CAMK2D: variants seen among roughly 807,000 people sequenced by gnomAD.
CAMK2D encodes the protein calcium/calmodulin-dependent protein kinase type II subunit delta.
A neutral mutation model predicts 84.0 loss-of-function variants in CAMK2D; 37 were observed. The observed-to-expected ratio is 0.44, with a 90% CI of 0.34 to 0.58. The LOEUF is 0.58. CAMK2D is among the 20% of genes least tolerant of loss of function. The pLI, the probability that CAMK2D is intolerant of heterozygous loss-of-function variation, is 0.02. For synonymous variants in CAMK2D, 202 were observed against 212.5 expected (o/e 0.95, Z 0.43); for missense variants, 448 against 652.5 (o/e 0.69, Z 3.41).
At chr4:113,551,054 T>C (rs1317890501) in intron 5 of CAMK2D, among the ~76,000 whole-genome samples, 8 of 152,176 alleles carry the variant, frequency 5.3e-5, no homozygotes, top group Non-Finnish European at 1.0e-4. Context: ...TCTGATGGCA[T>C]TGGAGAATGG....
At chr4:113,612,276 C>T (rs1377414923) in intron 3 of CAMK2D, among the ~76,000 whole-genome samples, 1 of 152,166 alleles carries the variant, frequency 6.6e-6, no homozygotes, top group African/African-American at 2.4e-5. Context: ...TCTCTTCAAG[C>T]CTTTTCTGTT....
chr4:113,528,929 C>A (rs115742904), intron 8 of CAMK2D, among the ~76,000 whole-genome samples: 113 of 152,176 alleles, frequency 7.4e-4, no homozygotes, highest in African/African-American at 2.6e-3. Context: ...AGAGTTCATG[C>A]CTTAGAGTTC....
chr4:113,613,870 A>ATGTG, intron 3 of CAMK2D, among the ~76,000 whole-genome samples: 1 of 151,752 alleles, frequency 6.6e-6, no homozygotes, highest in East Asian at 1.9e-4. Context: ...AAAGGTGTGT[A>ATGTG]TGTGTGTGTG....
intron 4 of CAMK2D, among the ~76,000 whole-genome samples, chr4:113,605,126 G>C (rs2098971689): frequency 6.6e-6 from 1 of 152,224 alleles, no homozygotes; most frequent in African/African-American, 2.4e-5. Flanking sequence ...CCCAACACCA[G>C]TGAGAAAGAT....
At chr4:113,649,611 G>A (rs917436574) in intron 3 of CAMK2D, among the ~76,000 whole-genome samples, 5 of 152,134 alleles carry the variant, frequency 3.3e-5, no homozygotes, top group African/African-American at 1.2e-4. Context: ...CTTATTAGTA[G>A]TTTCATTATA....
At chr4:113,696,195 G>GACACACACACACACACACACACACACAC (rs56784441) in intron 2 of CAMK2D, among the ~76,000 whole-genome samples, 1 of 144,534 alleles carries the variant, frequency 6.9e-6, no homozygotes, top group African/African-American at 2.5e-5. Flanking sequence ...CAGACACACA[G>GACACACACACACACACACACACACACAC]ACACACACAC....
intron 4 of CAMK2D, among the ~76,000 whole-genome samples, chr4:113,583,663 T>C (rs1440466697): frequency 6.6e-6 from 1 of 152,190 alleles, no homozygotes; most frequent in Admixed American, 6.5e-5. Context: ...TGGTTTGAAA[T>C]GGGACCCCTT....
intron 2 of CAMK2D, among the ~76,000 whole-genome samples, chr4:113,688,329 G>A (rs2099366056): frequency 6.6e-6 from 1 of 152,136 alleles, no homozygotes; most frequent in Admixed American, 6.5e-5. Flanking sequence ...GAGGGAAGGT[G>A]CATTCACCTT....
At chr4:113,588,777 G>T (rs1209738768) in intron 4 of CAMK2D, among the ~76,000 whole-genome samples, 1 of 151,896 alleles carries the variant, frequency 6.6e-6, no homozygotes, top group Admixed American at 6.6e-5. Context: ...GGATAATAGT[G>T]ATCAAAAGAG....
rs2098250969 is a variant in CAMK2D at position 113,513,901 on chromosome 4, C to T, written c.832G>A (p.Val278Ile). The stretch of plus-strand genomic sequence containing the variant: ...TCCTGTCTGTGCATCATGGAAGCAA[C>T]AGTAGAACGTTGCTAGAAGAAGAGG... ...KHPWICQRST[V>I]ASMMHRQETV... Residue 278 changes from valine (V) to isoleucine (I), a missense_variant, in exon 11 of 21, where the codon GTT (valine) becomes ATT (isoleucine). Transcript: ENST00000511664. 1 of 1,562,990 alleles carries T rather than the reference C, an allele frequency of 6.4e-7. No individual in the cohort carries two copies. The highest frequency in any genetic ancestry group is 8.8e-7 in the Non-Finnish European group (1 of 1,138,518).
At chr4:113,553,292 C>T (rs113686145) in intron 4 of CAMK2D, among the ~76,000 whole-genome samples, 232 of 152,296 alleles carry the variant, frequency 1.5e-3, no homozygotes, top group African/African-American at 5.2e-3. Flanking sequence ...CCCTCAACCA[C>T]TCCACAGTGC....
chr4:113,495,392 T>C (rs1262167643), intron 16 of CAMK2D, among the ~76,000 whole-genome samples: 2 of 152,196 alleles, frequency 1.3e-5, no homozygotes, highest in Non-Finnish European at 2.9e-5. Context: ...ATAAATTACA[T>C]GTAGATACCA....
At chr4:113,684,326 A>T (rs1443557100) in intron 2 of CAMK2D, among the ~76,000 whole-genome samples, 2 of 152,218 alleles carry the variant, frequency 1.3e-5, no homozygotes, top group African/African-American at 4.8e-5. Context: ...ATATTTACAT[A>T]AAAAGTCAGA....
chr4:113,688,867 T>C (rs1380288875), intron 2 of CAMK2D, among the ~76,000 whole-genome samples: 1 of 123,276 alleles, frequency 8.1e-6, no homozygotes, highest in East Asian at 2.3e-4. Flanking sequence ...AAATGACCAT[T>C]GAAGAAAAAA....
At chr4:113,505,137 A>T in intron 13 of CAMK2D, 102 bp from the exon 14 acceptor site, 1 of 545,012 alleles carries the variant, frequency 1.8e-6, no homozygotes, top group Non-Finnish European at 3.1e-6. Flanking sequence ...CATGAAGATA[A>T]AGAGCCACTG....
chr4:113,640,150 C>A (rs909690576), intron 3 of CAMK2D, among the ~76,000 whole-genome samples: 4 of 151,202 alleles, frequency 2.6e-5, no homozygotes, highest in Non-Finnish European at 5.9e-5. Flanking sequence ...CTGAGTGGGG[C>A]AAGGGTGGAA....
chr4:113,517,909 C>T (rs1590588673), intron 8 of CAMK2D, among the ~76,000 whole-genome samples: 2 of 152,164 alleles, frequency 1.3e-5, no homozygotes, highest in African/African-American at 4.8e-5. Flanking sequence ...AGAGGCATGG[C>T]AGGGCAACAT....
intron 17 of CAMK2D, among the ~76,000 whole-genome samples, chr4:113,461,906 A>G (rs1324694842): frequency 2.0e-5 from 3 of 152,224 alleles, no homozygotes; most frequent in African/African-American, 7.2e-5. Flanking sequence ...GGTGTTATTT[A>G]AAGAATACCT....
In CAMK2D at chr4:113,761,488, G is replaced by T; in HGVS notation, c.-420C>A. On this transcript the variant is annotated 5_prime_UTR_variant, in exon 1 of 21. Transcript: ENST00000511664. ...GGAGCAGGAGGAGTAGAAGCAGAGG[G>T]GAGGGAGTCCGAGGGGGCGGAGGTG... is the stretch of plus-strand genomic sequence containing the variant. The T allele has an allele frequency of 1.9e-6, 2 of 1,065,708 alleles. No individual in the cohort carries two copies. The highest frequency in any genetic ancestry group is 2.3e-6 in the Non-Finnish European group (2 of 876,910). The allele number at this position is 1,065,708 out of a possible 1,614,324, so 66.0% of individuals were successfully genotyped here.
Sources: gnomAD v4.1 joint callset for allele counts (sites outside exome capture counted in the v4.1 genomes callset) on GRCh38, gnomAD v4.1.1 for gene constraint, MANE v1.5 for transcripts, NCBI Gene and HGNC (gene_info 2026-07-23, HGNC 2026-07-21) for gene names.